The following PAX7 variants were observed in gnomAD, a reference collection of about 807,000 sequenced individuals.
PAX7 encodes paired box 7, also known as paired box protein Pax-7.
Under a neutral mutation model 50.7 loss-of-function variants are expected in PAX7, and 18 were observed. The observed-to-expected ratio is 0.36, with a 90% confidence interval of 0.25 to 0.53. The LOEUF (loss-of-function observed/expected upper bound fraction) is 0.53, where lower values mean the gene tolerates loss of function less well. Among genes scored for constraint, PAX7 ranks in the 20% least tolerant of loss-of-function variants. PAX7 has a pLI of 0.93. For missense variants in PAX7, 644 were observed against 702.9 expected (o/e 0.92, Z 0.95); for synonymous variants, 310 against 290.4 (o/e 1.07, Z -0.69).
intron 4 of PAX7, among the ~76,000 whole-genome samples, chr1:18,659,144 C>G (rs1274454535): frequency 6.6e-6 from 1 of 152,150 alleles, no homozygotes; most frequent in African/African-American, 2.4e-5. Flanking sequence ...ATTCACTGTC[C>G]TAGTGAGTTT....
chr1:18,726,884 C>T lies in PAX7; in HGVS notation c.1156-8748C>T, dbSNP rs926151683. On this transcript the variant is annotated intron_variant, in intron 7 of 8. Coordinates refer to ENST00000420770, the MANE Select transcript of PAX7 (RefSeq NM_001135254.2). The surrounding 1 kb of genome is among the most constrained non-coding windows in gnomAD (Gnocchi z 4.8). ...ACCAGGGTTGTGGGTGGCTAGCCCC[C>T]ACCCTGGTCAGAGATGGCAGTCAAT... Among the ~76,000 whole-genome samples, 7 of 152,194 alleles carry T rather than the reference C, an allele frequency of 4.6e-5. No individual in the cohort carries two copies. Among genetic ancestry groups the T allele is most frequent in the African/African-American group, 1.4e-4 (6 of 41,446 alleles).
chr1:18,667,967 G>A (rs2088693698), intron 4 of PAX7, among the ~76,000 whole-genome samples: 1 of 152,064 alleles, frequency 6.6e-6, no homozygotes, highest in Non-Finnish European at 1.5e-5. Flanking sequence ...CTACATCCCA[G>A]TCTCCTAACC....
In PAX7 at chr1:18,691,827, T is replaced by C. The variant is rs1416959405; in HGVS notation, c.660T>C (p.Ser220=). Residue 220 remains serine (S), a synonymous_variant, in exon 5 of 9, where the codon AGT becomes AGC. Coordinates refer to ENST00000420770, the MANE Select transcript of PAX7 (RefSeq NM_001135254.2). ...CACTGAAGCGCAAGCAGCGACGCAGTCGGACCACATTCACGGCCGAGCAGC... is the reference window on the plus strand; with the variant it reads ...CACTGAAGCGCAAGCAGCGACGCAGCCGGACCACATTCACGGCCGAGCAGC... ...DLPLKRKQRR[S]RTTFTAEQLE... is the part of the protein sequence containing the mutation. 8 of 1,613,014 alleles carry C rather than the reference T, an allele frequency of 5.0e-6. No homozygotes were observed. Among genetic ancestry groups the C allele is most frequent in the South Asian group, 2.2e-5 (2 of 90,796 alleles).
At chr1:18,710,211 G>A (rs899262598) in intron 7 of PAX7, among the ~76,000 whole-genome samples, 25 of 152,204 alleles carry the variant, frequency 1.6e-4, no homozygotes, top group African/African-American at 6.0e-4. Flanking sequence ...CTTGCTGAAG[G>A]TCACAGAGCA....
rs1385222537 is a variant in PAX7 at position 18,630,850 on chromosome 1, C to A, written c.-754C>A. On this transcript the variant is annotated 5_prime_UTR_variant, in exon 1 of 9. Transcript: ENST00000420770. ...CCTCCTCCTCGTACTTCGGTGAACACTTTTGCACAACTTACCCAGCTGATC... is the reference window on the plus strand; with the variant it reads ...CCTCCTCCTCGTACTTCGGTGAACAATTTTGCACAACTTACCCAGCTGATC... 6.6e-6 allele frequency among the ~76,000 whole-genome samples: 1 copy of A among 152,110 alleles called. No individual in the cohort carries two copies. Among genetic ancestry groups the A allele is most frequent in the African/African-American group, 2.4e-5 (1 of 41,406 alleles).
chr1:18,741,350 T>C (rs1017048839), intron 8 of PAX7, among the ~76,000 whole-genome samples: 3 of 151,920 alleles, frequency 2.0e-5, no homozygotes, highest in African/African-American at 7.3e-5. Context: ...CTTGGGAGAC[T>C]GAGGCAGGAG....
At chr1:18,741,459 A>G (rs1931126673) in intron 8 of PAX7, among the ~76,000 whole-genome samples, 1 of 116,146 alleles carries the variant, frequency 8.6e-6, no homozygotes, top group East Asian at 2.3e-4. Context: ...CAAAAAGAAA[A>G]AAAAAAAGAA....
chr1:18,745,277 T>G lies in PAX7; in HGVS notation c.*348T>G. 3.0e-6 allele frequency: 1 copy of G among 330,490 alleles called. No individual in the cohort carries two copies. The highest frequency in any genetic ancestry group is 5.6e-6 in the Non-Finnish European group (1 of 177,502). The allele number at this position is 330,490 out of a possible 1,614,324, so 20.5% of individuals were successfully genotyped here. A position where few individuals can be genotyped will look rare whatever the true frequency, so the allele number is the denominator to read the frequency against. Reference sequence around the variant, plus strand: ...TGGGTGTCCAGAGGAGGATGGTGCCTGAGAGGAGGTCCTACAGCCCTTTGG... The same window carrying G: ...TGGGTGTCCAGAGGAGGATGGTGCCGGAGAGGAGGTCCTACAGCCCTTTGG... On this transcript the variant is annotated 3_prime_UTR_variant, in exon 9 of 9. Transcript: ENST00000420770.
At chr1:18,704,168 G>C (rs1370817155) in intron 7 of PAX7, among the ~76,000 whole-genome samples, 1 of 152,304 alleles carries the variant, frequency 6.6e-6, no homozygotes, top group East Asian at 1.9e-4. Flanking sequence ...CCTAAAAGGA[G>C]AATAGAAAGA....
intron 8 of PAX7, among the ~76,000 whole-genome samples, chr1:18,739,697 C>A (rs1482434653): frequency 6.6e-6 from 1 of 152,176 alleles, no homozygotes; most frequent in Non-Finnish European, 1.5e-5. Flanking sequence ...AACTCTTAGG[C>A]CCCAGAGTAC....
chr1:18,635,537 G>GGAAGGAAA, intron 3 of PAX7, among the ~76,000 whole-genome samples: 1 of 151,192 alleles, frequency 6.6e-6, no homozygotes, highest in South Asian at 2.1e-4. Flanking sequence ...AAAGAAGGAA[G>GGAAGGAAA]GAAGGAAGGA....
intron 4 of PAX7, among the ~76,000 whole-genome samples, chr1:18,669,707 T>A (rs1042106516): frequency 1.3e-5 from 2 of 152,322 alleles, no homozygotes; most frequent in Admixed American, 6.5e-5. Flanking sequence ...TCCCATACTC[T>A]GCTGCTTAGA....
chr1:18,642,950 C>G (rs116499622), intron 4 of PAX7, among the ~76,000 whole-genome samples: 117 of 98,080 alleles, frequency 1.2e-3, no homozygotes, highest in African/African-American at 4.5e-3. Context: ...GAGACGGGGT[C>G]GAGGGCAAAG....
chr1:18,645,189 G>A (rs564923512), intron 4 of PAX7, among the ~76,000 whole-genome samples: 1 of 152,336 alleles, frequency 6.6e-6, no homozygotes, highest in African/African-American at 2.4e-5. Flanking sequence ...TTGCGGGGCT[G>A]GGGCTGAATT....
At chr1:18,647,134 G>C (rs891097386) in intron 4 of PAX7, among the ~76,000 whole-genome samples, 1 of 152,096 alleles carries the variant, frequency 6.6e-6, no homozygotes, top group Non-Finnish European at 1.5e-5. Flanking sequence ...GAGGGGAGCC[G>C]GGCCCTGGTG....
chr1:18,730,210 T>A (rs1476587189), intron 7 of PAX7, among the ~76,000 whole-genome samples: 1 of 152,192 alleles, frequency 6.6e-6, no homozygotes. Context: ...ATACCTATTT[T>A]ATAGATGAGA....
rs3216186 is a variant in PAX7, at chr1:18,725,302, G to GCC, written c.1156-10321_1156-10320dup. Among the ~76,000 whole-genome samples the GCC allele has an allele frequency of 1.8e-3, 189 of 106,380 alleles. 6 individuals carry two copies. Among genetic ancestry groups the GCC allele is most frequent in the Non-Finnish European group, 2.6e-3 (136 of 51,570 alleles). The allele number at this position is 106,380 out of a possible 152,430, so 69.8% of individuals were successfully genotyped here. A position where few individuals can be genotyped will look rare whatever the true frequency, so the allele number is the denominator to read the frequency against. On this transcript the variant is annotated intron_variant, in intron 7 of 8. Transcript: ENST00000420770. ...CTCCACCAATTACAGAGGTGGAGAC[G>GCC]CCCCCCCCCCGCCCCACCAACACCG...
chr1:18,736,838 G>A (rs915482757), intron 8 of PAX7, among the ~76,000 whole-genome samples: 3 of 152,220 alleles, frequency 2.0e-5, no homozygotes, highest in Admixed American at 2.0e-4. Flanking sequence ...ATCGGCATTT[G>A]AAATTCTGTT....
Position 18,703,152 on chromosome 1 carries a change from C to A in PAX7, c.1011C>A (p.Gly337=), listed in dbSNP as rs1437320339. 2.5e-6 allele frequency: 4 copies of A among 1,613,814 alleles called. No homozygotes were observed. Among genetic ancestry groups the A allele is most frequent in the Non-Finnish European group, 2.5e-6 (3 of 1,179,908 alleles). Residue 337 remains glycine (G), a synonymous_variant, in exon 7 of 9, where the codon GGC becomes GGA. Transcript: ENST00000420770. ...QPLPPSTMHQ[G]GLAAAAAAAD... Reference sequence around the variant, plus strand: ...TGCCACCGTCCACCATGCACCAGGGCGGGCTGGCTGCAGCGGCTGCAGCCG... The same window carrying A: ...TGCCACCGTCCACCATGCACCAGGGAGGGCTGGCTGCAGCGGCTGCAGCCG...
Sources: gnomAD v4.1 joint callset for allele counts (sites outside exome capture counted in the v4.1 genomes callset) on GRCh38, gnomAD v4.1.1 for gene constraint, Gnocchi (gnomAD v3.1) non-coding constraint, MANE v1.5 for transcripts, NCBI Gene and HGNC (gene_info 2026-07-23, HGNC 2026-07-21) for gene names.